BCAR3: variants seen among roughly 807,000 people sequenced by gnomAD.
BCAR3 encodes breast cancer anti-estrogen resistance protein 3.
Under a neutral mutation model 80.1 loss-of-function variants are expected in BCAR3, and 37 were observed. That is an observed-to-expected ratio of 0.46 (90% CI 0.36 to 0.61). The LOEUF is 0.61. Among genes scored for constraint, BCAR3 ranks in the 20% least tolerant of loss-of-function variants. BCAR3 has a pLI of 0.00. For missense variants in BCAR3, 978 were observed against 1,068.2 expected, an observed-to-expected ratio of 0.92 and a Z score of 1.18; for synonymous variants, 389 against 418.9, an observed-to-expected ratio of 0.93 and a Z score of 0.87.
At chr1:93,677,658 G>A (rs901572393) in intron 1 of BCAR3, among the ~76,000 whole-genome samples, 1 of 152,204 alleles carries the variant, frequency 6.6e-6, no homozygotes, top group Admixed American at 6.5e-5. Flanking sequence ...CTGGCTGGAA[G>A]GAAGGAGCCT....
intron 8 of BCAR3, 32 bp from the exon 9 acceptor site, chr1:93,571,873 G>C (rs762046967): frequency 3.8e-6 from 6 of 1,596,854 alleles, no homozygotes; most frequent in Non-Finnish European, 5.1e-6. Context: ...GTCAGGTTCA[G>C]GGCCAATGGG....
At chr1:93,740,035 C>CA (rs550746243) in intron 2 of BCAR3, among the ~76,000 whole-genome samples, 16,158 of 93,912 alleles carry the variant, frequency 0.17, 1,306 homozygotes, top group African/African-American at 0.3. Flanking sequence ...AACTCCGTCT[C>CA]AAAAAAAAAA....
chr1:93,684,329 A>G (rs1648901360), upstream of BCAR3, among the ~76,000 whole-genome samples: 1 of 152,214 alleles, frequency 6.6e-6, no homozygotes, highest in Non-Finnish European at 1.5e-5. Context: ...TTTCTAGTGC[A>G]GAGCATGGGG....
At chr1:93,568,808 G>A (rs181152896) in intron 9 of BCAR3, among the ~76,000 whole-genome samples, 31 of 152,156 alleles carry the variant, frequency 2.0e-4, no homozygotes, top group Admixed American at 1.1e-3. Flanking sequence ...AGTTTAACTC[G>A]TCTCTTAAAG....
intron 1 of BCAR3, among the ~76,000 whole-genome samples, chr1:93,680,373 G>A (rs1382139891): frequency 6.6e-6 from 1 of 152,150 alleles, no homozygotes; most frequent in East Asian, 1.9e-4. Flanking sequence ...AGGTCTTTAC[G>A]TTATCCTCAA....
chr1:93,754,561 A>G (rs1651682851), intron 2 of BCAR3, among the ~76,000 whole-genome samples: 1 of 152,244 alleles, frequency 6.6e-6, no homozygotes, highest in Admixed American at 6.5e-5. Flanking sequence ...ATATACAGTC[A>G]ATGATGACTC....
chr1:93,582,178 A>T, intron 7 of BCAR3, 123 bp downstream of exon 7: 1 of 1,241,420 alleles, frequency 8.1e-7, no homozygotes, highest in Non-Finnish European at 1.1e-6. Flanking sequence ...TTAATGGGTG[A>T]GGCAGAGTGA....
At chr1:93,696,053 T>C (rs1044377956) in intron 3 of BCAR3, among the ~76,000 whole-genome samples, 1 of 151,976 alleles carries the variant, frequency 6.6e-6, no homozygotes, top group Non-Finnish European at 1.5e-5. Flanking sequence ...TTTTTTTTTT[T>C]TTCTTGAGAC....
At chr1:93,596,105 CTAAT>C (rs1435824952) in intron 3 of BCAR3, among the ~76,000 whole-genome samples, 1 of 152,222 alleles carries the variant, frequency 6.6e-6, no homozygotes, top group Non-Finnish European at 1.5e-5. Flanking sequence ...TCTGTGTCCT[CTAAT>C]TGATCTAAGT....
chr1:93,605,505 T>C (rs1674748049), intron 3 of BCAR3: 1 of 152,224 alleles, frequency 6.6e-6, no homozygotes, highest in African/African-American at 2.4e-5. Context: ...TCTTAACATC[T>C]TTAAAGAATG....
chr1:93,839,520 T>A (rs1654884802), intron 2 of BCAR3, among the ~76,000 whole-genome samples: 1 of 152,180 alleles, frequency 6.6e-6, no homozygotes, highest in Non-Finnish European at 1.5e-5. Flanking sequence ...TCAAGTATGG[T>A]CATTGCCTAA....
At chr1:93,721,675 C>T (rs556053925) in intron 2 of BCAR3, among the ~76,000 whole-genome samples, 5 of 152,232 alleles carry the variant, frequency 3.3e-5, no homozygotes, top group Admixed American at 1.3e-4. Context: ...AGCCCATTCT[C>T]GTGGCCTCCA....
chr1:93,625,724 T>C (rs1236634917), intron 3 of BCAR3, among the ~76,000 whole-genome samples: 2 of 152,174 alleles, frequency 1.3e-5, no homozygotes, highest in Non-Finnish European at 2.9e-5. Context: ...GAAATTGCCT[T>C]GAAGGGCCAA....
chr1:93,838,431 C>T (rs565323564), intron 2 of BCAR3, among the ~76,000 whole-genome samples: 23 of 152,286 alleles, frequency 1.5e-4, no homozygotes, highest in African/African-American at 4.3e-4. Flanking sequence ...GAGAGTAGCA[C>T]GAAGCCATTC....
intron 3 of BCAR3, among the ~76,000 whole-genome samples, chr1:93,619,339 A>T (rs1233456309): frequency 6.6e-6 from 1 of 152,088 alleles, no homozygotes; most frequent in Non-Finnish European, 1.5e-5. Context: ...AGAAACTAAG[A>T]ACCCATTCTC....
At chr1:93,577,781 G>A (rs1028251278) in intron 7 of BCAR3, among the ~76,000 whole-genome samples, 2 of 152,158 alleles carry the variant, frequency 1.3e-5, no homozygotes, top group African/African-American at 2.4e-5. Context: ...TGTCCCCCAC[G>A]CTCTGGGTGG....
intron 11 of BCAR3, 129 bp downstream of exon 11, chr1:93,567,150 G>A (rs1160309833): frequency 1.7e-6 from 2 of 1,150,386 alleles, no homozygotes; most frequent in Non-Finnish European, 2.4e-6. Flanking sequence ...AGCCATATAG[G>A]AAATGGAATT....
chr1:93,624,946 C>T (rs988693254), intron 3 of BCAR3, among the ~76,000 whole-genome samples: 1 of 152,206 alleles, frequency 6.6e-6, no homozygotes, highest in Non-Finnish European at 1.5e-5. Context: ...CGCGGTGGCT[C>T]ATGCCTGTAA....
Position 93,740,855 on chromosome 1 carries a change from C to T in BCAR3, c.-62-34713G>A, listed in dbSNP as rs2100695792. On this transcript the variant is annotated intron_variant, in intron 2 of 13. Transcript: ENST00000370244. ...AGTAGGGCGGGCTTTTTGTTTATTT[C>T]TAATAGGAAGTTAGGAATTAGCCGA... is the stretch of plus-strand genomic sequence containing the variant. 2.0e-5 allele frequency among the ~76,000 whole-genome samples: 3 copies of T among 152,250 alleles called. No individual in the cohort carries two copies. The East Asian group carries it at 5.8e-4, about 29-fold the overall frequency.
Sources: allele counts gnomAD v4.1 joint callset (sites outside exome capture counted in the v4.1 genomes callset), GRCh38; gene constraint gnomAD v4.1.1; transcripts MANE v1.5; gene names NCBI Gene and HGNC (gene_info 2026-07-23, HGNC 2026-07-21).